Variants in DYSF observed in about 807,000 individuals in gnomAD.
The protein encoded by DYSF is dysferlin, also known as dystrophy-associated fer-1-like 1.
In DYSF, 212 loss-of-function variants were observed where a neutral mutation model predicts 274.9. The ratio of observed to expected loss-of-function variants is 0.77; its 90% confidence interval spans 0.69 to 0.86. DYSF has a LOEUF of 0.86. DYSF is among the 40% of genes least tolerant of loss of function. DYSF has a pLI of 0.00. For synonymous variants in DYSF, 1,091 were observed against 1,078.7 expected (o/e 1.01, Z -0.22); for missense variants, 2,666 against 2,783.2 (o/e 0.96, Z 0.95).
chr2:71,499,749 C>G (rs1026527299), intron 3 of DYSF, among the ~76,000 whole-genome samples: 6 of 151,944 alleles, frequency 3.9e-5, no homozygotes, highest in Non-Finnish European at 7.4e-5. Flanking sequence ...TTTCGGTCCC[C>G]ACACTTCTCC....
At position 71,622,130 on chromosome 2, in the gene DYSF, G is replaced by GTTTTTTTTTTTTTTTTTT. The variant is rs74263952; in HGVS notation, c.4527+1537_4527+1538insTTTTTTTTTTTTTTTTTT. Among the ~76,000 whole-genome samples, 84 of 97,012 alleles carry GTTTTTTTTTTTTTTTTTT rather than the reference G, an allele frequency of 8.7e-4. 8 individuals are homozygous for GTTTTTTTTTTTTTTTTTT. Among genetic ancestry groups the GTTTTTTTTTTTTTTTTTT allele is most frequent in the Non-Finnish European group, 1.2e-3 (58 of 50,404 alleles). The allele number at this position is 97,012 out of a possible 152,430, so 63.6% of individuals were successfully genotyped here. A position where few individuals can be genotyped will look rare whatever the true frequency, so the allele number is the denominator to read the frequency against. On this transcript the variant is annotated intron_variant, in intron 41 of 55. Transcript: ENST00000410020. ...ATATGTCCATTCAGATGATTTCTTT[G>GTTTTTTTTTTTTTTTTTT]TTTTTTTTTTTTTTTTGTTACGCCC...
intron 17 of DYSF, among the ~76,000 whole-genome samples, chr2:71,547,471 A>G (rs377660460): frequency 3.8e-4 from 58 of 152,256 alleles, no homozygotes; most frequent in African/African-American, 1.4e-3. Flanking sequence ...AACATGGTGA[A>G]ACCCCATCTC....
intron 22 of DYSF, among the ~76,000 whole-genome samples, chr2:71,556,385 T>TG (rs1362954959): frequency 1.3e-5 from 2 of 152,108 alleles, no homozygotes; most frequent in Non-Finnish European, 2.9e-5. Flanking sequence ...AGGAGCTGGC[T>TG]GGGGGGTGGG....
At chr2:71,479,644 G>A (rs2082721858) in intron 1 of DYSF, among the ~76,000 whole-genome samples, 1 of 152,152 alleles carries the variant, frequency 6.6e-6, no homozygotes, top group Non-Finnish European at 1.5e-5. Context: ...TTTCTTTCAA[G>A]CCTCACCTGC....
At chr2:71,668,923 G>A in intron 49 of DYSF, 81 bp downstream of exon 49, 12 of 1,459,528 alleles carry the variant, frequency 8.2e-6, no homozygotes, top group Non-Finnish European at 1.1e-5. Flanking sequence ...CTAGGCGGTT[G>A]CTCTTTTCTG....
At chr2:71,567,009 G>C (rs1225570752) in intron 24 of DYSF, among the ~76,000 whole-genome samples, 1 of 152,124 alleles carries the variant, frequency 6.6e-6, no homozygotes, top group Non-Finnish European at 1.5e-5. Context: ...TTCTCACTTG[G>C]CTATACTGCT....
chr2:71,571,285 C>T (rs1473379273), intron 29 of DYSF, among the ~76,000 whole-genome samples: 2 of 151,232 alleles, frequency 1.3e-5, no homozygotes, highest in African/African-American at 4.9e-5. Flanking sequence ...ACCCACAGTT[C>T]ACACCTAGCA....
intron 18 of DYSF, 112 bp downstream of exon 18, chr2:71,551,268 A>G: frequency 9.3e-7 from 1 of 1,071,630 alleles, no homozygotes; most frequent in Non-Finnish European, 1.4e-6. Context: ...ACGACCTGGC[A>G]GCCAACCCCT....
intron 45 of DYSF, among the ~76,000 whole-genome samples, 154 bp downstream of exon 45, chr2:71,660,805 G>C (rs1047211594): frequency 1.3e-5 from 2 of 152,178 alleles, no homozygotes; most frequent in African/African-American, 2.4e-5. Context: ...CATAGCCTCA[G>C]TTAGCCCTTC....
intron 1 of DYSF, among the ~76,000 whole-genome samples, chr2:71,455,911 C>A (rs904331772): frequency 3.3e-5 from 5 of 152,162 alleles, no homozygotes; most frequent in Non-Finnish European, 7.4e-5. Flanking sequence ...ACCTCATGGT[C>A]CCTCACCCAG....
At position 71,686,452 on chromosome 2, in the gene DYSF, A is replaced by G. The variant is rs748483815; in HGVS notation, c.6322-2A>G. 6.2e-7 allele frequency: 1 copy of G among 1,613,974 alleles called. No individual in the cohort carries two copies. The highest frequency in any genetic ancestry group is 8.5e-7 in the Non-Finnish European group (1 of 1,180,004). ...GGGTCCCTGTCTCCTCCCTCCCTCC[A>G]GAACTATGCTGCCATGAAGCTGGTG... is the stretch of plus-strand genomic sequence containing the variant. On this transcript the variant is annotated splice_acceptor_variant, in intron 55 of 55. Transcript: ENST00000410020. LOFTEE classifies it high-confidence loss of function.
rs371437341 is a variant in DYSF, at chr2:71,602,782, G to A, written c.3934G>A (p.Glu1312Lys). Residue 1312 changes from glutamate (E) to lysine (K), a missense_variant, in exon 36 of 56, where the codon GAG (glutamate) becomes AAG (lysine). This residue lies in a region of DYSF where 1,460 missense variants were observed against 1,502.1 expected (regional missense o/e 0.97). Transcript: ENST00000410020. The stretch of plus-strand genomic sequence containing the variant: ...TCCCATGGCTGTGGGCCAGGTGCAG[G>A]AGACATCAAGGATCCTGGATGAGGT... ...IHHIPGFEVQ[E>K]TSRILDESED... The A allele has an allele frequency of 1.9e-6, 3 of 1,613,274 alleles. No homozygotes were observed. The highest frequency in any genetic ancestry group is 2.5e-6 in the Non-Finnish European group (3 of 1,179,928).
chr2:71,516,695 A>G (rs1209551002), intron 9 of DYSF, among the ~76,000 whole-genome samples: 1 of 152,124 alleles, frequency 6.6e-6, no homozygotes, highest in African/African-American at 2.4e-5. Context: ...ACTGCAGCCT[A>G]GTGGCTCTAA....
At chr2:71,532,232 G>C (rs2088813362) in intron 14 of DYSF, among the ~76,000 whole-genome samples, 1 of 152,082 alleles carries the variant, frequency 6.6e-6, no homozygotes, top group African/African-American at 2.4e-5. Context: ...AAACAACATT[G>C]TGACAAACAT....
intron 42 of DYSF, among the ~76,000 whole-genome samples, chr2:71,649,272 G>T (rs1421464923): frequency 6.6e-6 from 1 of 151,982 alleles, no homozygotes; most frequent in African/African-American, 2.4e-5. Flanking sequence ...TGGTAAAACT[G>T]ACAAAAATTA....
intron 14 of DYSF, among the ~76,000 whole-genome samples, chr2:71,531,536 C>T (rs1010629930): frequency 4.0e-5 from 6 of 151,638 alleles, no homozygotes; most frequent in South Asian, 2.1e-4. Context: ...ATTTACTCCA[C>T]GAGAGTTGAA....
chr2:71,584,152 C>T (rs2092987779), intron 30 of DYSF, among the ~76,000 whole-genome samples: 1 of 128,030 alleles, frequency 7.8e-6, no homozygotes, highest in South Asian at 2.9e-4. Flanking sequence ...CTGGGCCTGG[C>T]CCTGGGGCTG....
At chr2:71,530,885 A>T (rs1316922164) in intron 14 of DYSF, among the ~76,000 whole-genome samples, 1 of 151,888 alleles carries the variant, frequency 6.6e-6, no homozygotes, top group Non-Finnish European at 1.5e-5. Context: ...CACCCACCCC[A>T]GCTGGCCTTC....
At position 71,549,177 on chromosome 2, in the gene DYSF, G is replaced by A. The variant is rs2152783450; in HGVS notation, c.1577-1864G>A. 2.0e-5 allele frequency among the ~76,000 whole-genome samples: 3 copies of A among 152,246 alleles called. No homozygotes were observed. In the Middle Eastern group the frequency reaches 0.01, roughly 521 times the overall value. On this transcript the variant is annotated intron_variant, in intron 17 of 55. Coordinates refer to ENST00000410020, the MANE Select transcript of DYSF (RefSeq NM_001130987.2). ...GAGGGGCCGTGATGATTTAGTTTAT[G>A]ATAAATTCACAGCTGGGCAGAGGGT... is the stretch of plus-strand genomic sequence containing the variant.
Sources: gnomAD v4.1 joint callset for allele counts (sites outside exome capture counted in the v4.1 genomes callset) on GRCh38, gnomAD v4.1.1 for gene constraint, gnomAD v4.1.1 regional missense constraint, MANE v1.5 for transcripts, NCBI Gene and HGNC (gene_info 2026-07-23, HGNC 2026-07-21) for gene names.